The following MICAL2 variants were observed in gnomAD, a reference collection of about 807,000 sequenced individuals.
MICAL2 encodes the protein microtubule associated monooxygenase, calponin and LIM domain containing 2, also known as [F-actin]-monooxygenase MICAL2.
MICAL2 carries 77 observed loss-of-function variants against 127.3 expected under a neutral mutation model. The observed-to-expected ratio is 0.60, with a 90% CI of 0.50 to 0.73. The LOEUF is 0.73. Ranked by LOEUF, MICAL2 falls within the 30% of genes least tolerant of loss-of-function variation. The probability of loss-of-function intolerance (pLI) is 0.00; values close to 1 mark genes in which losing one functional copy is unlikely to be tolerated. For missense variants in MICAL2, 1,351 were observed against 1,434.4 expected, an observed-to-expected ratio of 0.94 and a Z score of 0.94; for synonymous variants, 570 against 551.1, an observed-to-expected ratio of 1.03 and a Z score of -0.48.
intron 1 of MICAL2, among the ~76,000 whole-genome samples, chr11:12,113,758 A>G (rs989808493): frequency 2.6e-5 from 4 of 152,156 alleles, no homozygotes; most frequent in Admixed American, 2.6e-4. Context: ...GTATAGAAAA[A>G]AACACAGCAT....
chr11:12,313,883 T>C (rs1446976474), intron 29 of MICAL2, among the ~76,000 whole-genome samples: 1 of 151,974 alleles, frequency 6.6e-6, no homozygotes. Context: ...TGTTATAGTA[T>C]ACTTTTGAAT....
downstream of MICAL2, among the ~76,000 whole-genome samples, chr11:12,266,015 G>A (rs187506506): frequency 1.9e-3 from 290 of 152,256 alleles, 1 homozygote; most frequent in African/African-American, 6.8e-3. Context: ...GGGAGGCTGA[G>A]GCACGAGAAT....
chr11:12,302,634 T>C (rs1474124688), intron 29 of MICAL2, among the ~76,000 whole-genome samples: 2 of 152,176 alleles, frequency 1.3e-5, no homozygotes, highest in Non-Finnish European at 2.9e-5. Flanking sequence ...TGCTCCCTTT[T>C]TCACTCTCTA....
chr11:12,324,094 G>C (rs1471200995), intron 31 of MICAL2: 1 of 1,601,860 alleles, frequency 6.2e-7, no homozygotes, highest in East Asian at 2.2e-5. Context: ...CTGGACATGA[G>C]TGAGTGGGCC....
intron 3 of MICAL2, among the ~76,000 whole-genome samples, chr11:12,170,107 C>T (rs915042398): frequency 3.3e-5 from 5 of 152,224 alleles, no homozygotes; most frequent in East Asian, 1.9e-4. Context: ...CAAACATTTG[C>T]GTGGTGCTTT....
intron 29 of MICAL2, among the ~76,000 whole-genome samples, chr11:12,304,519 C>T: frequency 6.6e-6 from 1 of 152,118 alleles, no homozygotes; most frequent in African/African-American, 2.4e-5. Flanking sequence ...CCTGTAATCC[C>T]AGCTACTTGG....
At chr11:12,179,718 T>A (rs1857216529) in intron 3 of MICAL2, among the ~76,000 whole-genome samples, 1 of 151,964 alleles carries the variant, frequency 6.6e-6, no homozygotes, top group Non-Finnish European at 1.5e-5. Flanking sequence ...TAATTCTGCG[T>A]CCTGCTCTCG....
chr11:12,193,454 A>G (rs1412536397), intron 3 of MICAL2, among the ~76,000 whole-genome samples: 10 of 152,224 alleles, frequency 6.6e-5, no homozygotes, highest in African/African-American at 2.4e-5. Context: ...TGGCCCTTCT[A>G]TAGAGGCCAG....
At chr11:12,315,370 T>C (rs2134830764) in intron 29 of MICAL2, among the ~76,000 whole-genome samples, 1 of 152,318 alleles carries the variant, frequency 6.6e-6, no homozygotes, top group African/African-American at 2.4e-5. Flanking sequence ...CAAATTCTAA[T>C]ATGTTGTGTT....
intron 2 of MICAL2, among the ~76,000 whole-genome samples, chr11:12,148,550 T>G (rs1312610001): frequency 6.6e-6 from 1 of 151,966 alleles, no homozygotes; most frequent in Non-Finnish European, 1.5e-5. Flanking sequence ...CTGGATGAAG[T>G]GGCAGGGTTG....
intron 3 of MICAL2, among the ~76,000 whole-genome samples, chr11:12,169,479 A>C: frequency 6.6e-6 from 1 of 152,160 alleles, no homozygotes; most frequent in East Asian, 1.9e-4. Context: ...TCCGCCTCTC[A>C]GGTTCAAGTG....
At chr11:12,225,989 C>T (rs949324138) in intron 13 of MICAL2, among the ~76,000 whole-genome samples, 182 bp from the exon 14 acceptor site, 1 of 152,134 alleles carries the variant, frequency 6.6e-6, no homozygotes, top group Non-Finnish European at 1.5e-5. Context: ...TTTGTCCCTT[C>T]CTGACCAGTG....
intron 26 of MICAL2, chr11:12,260,734 T>G (rs762696589): frequency 4.1e-5 from 40 of 985,504 alleles, no homozygotes; most frequent in Non-Finnish European, 4.8e-5. Context: ...AGAATTCAAC[T>G]TACAGAAGCA....
chr11:12,266,863 T>G (rs1863614549), downstream of MICAL2, among the ~76,000 whole-genome samples: 1 of 152,226 alleles, frequency 6.6e-6, no homozygotes, highest in Non-Finnish European at 1.5e-5. Context: ...GTAGGGTTTT[T>G]CAAGGTGTCT....
At chr11:12,210,870 G>A (rs1474190453) in intron 6 of MICAL2, among the ~76,000 whole-genome samples, 1 of 152,200 alleles carries the variant, frequency 6.6e-6, no homozygotes, top group Non-Finnish European at 1.5e-5. Flanking sequence ...CCTGTGCATT[G>A]TAGGGTGTTC....
chr11:12,287,213 T>A (rs936847893), exon 3 of MICAL2: 2 of 398,842 alleles, frequency 5.0e-6, no homozygotes, highest in Non-Finnish European at 8.9e-6. Context: ...GGGCAGAAGA[T>A]CTCTGGTTAA....
At chr11:12,331,443 C>T (rs1325342636) in intron 32 of MICAL2, among the ~76,000 whole-genome samples, 2 of 152,028 alleles carry the variant, frequency 1.3e-5, no homozygotes, top group African/African-American at 4.8e-5. Flanking sequence ...AGGGGTTTAC[C>T]AAGAAAAATT....
At chr11:12,259,949 C>A (rs757470970) in intron 26 of MICAL2, 52 bp downstream of exon 26, 2 of 1,594,032 alleles carry the variant, frequency 1.3e-6, no homozygotes, top group African/African-American at 2.7e-5. Context: ...CTCAGGCTGC[C>A]GAGGGACCTG....
downstream of MICAL2, among the ~76,000 whole-genome samples, chr11:12,287,861 T>C (rs1863846078): frequency 6.6e-6 from 1 of 152,104 alleles, no homozygotes; most frequent in Non-Finnish European, 1.5e-5. Flanking sequence ...GGGCAGAGAC[T>C]CTTCATCCAG....
Sources: allele counts gnomAD v4.1 joint callset (sites outside exome capture counted in the v4.1 genomes callset), GRCh38; gene constraint gnomAD v4.1.1; transcripts MANE v1.5; gene names NCBI Gene and HGNC (gene_info 2026-07-23, HGNC 2026-07-21).